DSCAML1: variants seen among roughly 807,000 people sequenced by gnomAD.
The protein encoded by DSCAML1 is DS cell adhesion molecule like 1.
Under a neutral mutation model 200.5 loss-of-function variants are expected in DSCAML1, and 38 were observed. The ratio of observed to expected loss-of-function variants is 0.19; its 90% CI spans 0.15 to 0.25. The LOEUF (loss-of-function observed/expected upper bound fraction) is 0.25, where lower values mean the gene tolerates loss of function less well. DSCAML1 is among the 10% of genes least tolerant of loss of function. The probability of loss-of-function intolerance (pLI) is 1.00; values close to 1 mark genes in which losing one functional copy is unlikely to be tolerated. For synonymous variants in DSCAML1, 1,215 were observed against 1,165.0 expected, an observed-to-expected ratio of 1.04 and a Z score of -0.87; for missense variants, 2,223 against 2,858.8, an observed-to-expected ratio of 0.78 and a Z score of 5.07.
Position 117,490,518 on chromosome 11 carries a change from C to T in DSCAML1, c.2360-8356G>A, listed in dbSNP as rs552156727. On this transcript the variant is annotated intron_variant, in intron 11 of 32. Coordinates refer to ENST00000651296, the MANE Select transcript of DSCAML1 (RefSeq NM_020693.4). ...CCCCTACTTAGCACCCCCAGATCCC[C>T]GCTTCCACTGGGGTCCAACTTAATA... is the stretch of plus-strand genomic sequence containing the variant. Among the ~76,000 whole-genome samples the T allele has an allele frequency of 8.1e-4, 123 of 152,306 alleles. 1 individual carries two copies. The highest frequency in any genetic ancestry group is 2.8e-3 in the African/African-American group (118 of 41,560).
At chr11:117,509,514 G>A (rs2049576267) in intron 8 of DSCAML1, among the ~76,000 whole-genome samples, 1 of 152,188 alleles carries the variant, frequency 6.6e-6, no homozygotes. Flanking sequence ...TGGGGGATGG[G>A]CAGGTGCGAT....
At chr11:117,587,503 T>C (rs1241946881) in intron 3 of DSCAML1, among the ~76,000 whole-genome samples, 2 of 152,184 alleles carry the variant, frequency 1.3e-5, no homozygotes, top group African/African-American at 4.8e-5. Context: ...CAGGTGACAT[T>C]TCCCTCTCCC....
intron 3 of DSCAML1, among the ~76,000 whole-genome samples, chr11:117,589,030 G>A (rs77974426): frequency 0.015 from 2,243 of 152,300 alleles, 52 homozygotes; most frequent in African/African-American, 0.05. Flanking sequence ...AAAACAAGGC[G>A]TGGGTTTCGG....
At chr11:117,794,722 C>T (rs902750982) in intron 1 of DSCAML1, among the ~76,000 whole-genome samples, 1 of 151,888 alleles carries the variant, frequency 6.6e-6, no homozygotes, top group Non-Finnish European at 1.5e-5. Flanking sequence ...TTGCTGTCTC[C>T]GCATCACATC....
intron 3 of DSCAML1, among the ~76,000 whole-genome samples, chr11:117,571,084 C>T (rs2050841017): frequency 6.6e-6 from 1 of 152,250 alleles, no homozygotes. Flanking sequence ...GAAACTCAAA[C>T]CTCATTATGG....
intron 3 of DSCAML1, among the ~76,000 whole-genome samples, chr11:117,756,305 G>T (rs2054692406): frequency 6.6e-6 from 1 of 152,192 alleles, no homozygotes. Flanking sequence ...CTTCAGGAAG[G>T]TCTGCACGAT....
intron 3 of DSCAML1, among the ~76,000 whole-genome samples, chr11:117,701,122 C>T (rs573707187): frequency 3.8e-4 from 58 of 152,136 alleles, no homozygotes; most frequent in South Asian, 1.0e-3. Context: ...AAAAATTAGC[C>T]GGGCATGGTG....
intron 3 of DSCAML1, chr11:117,709,637 G>A (rs570731853): frequency 2.2e-6 from 1 of 454,622 alleles, no homozygotes; most frequent in Non-Finnish European, 4.4e-6. Flanking sequence ...GCAGGAGAGG[G>A]TTACAGAACC....
rs376947402 is a variant in DSCAML1 at position 117,730,316 on chromosome 11, G to A, written c.511+46475C>T. The stretch of plus-strand genomic sequence containing the variant: ...AAAGCTGGAGGGGGCCAGGAGTCAA[G>A]GACAGTGGGTAGCTTCTCCAAGTTG... On this transcript the variant is annotated intron_variant, in intron 3 of 32. Transcript: ENST00000651296. Among the ~76,000 whole-genome samples, 10 of 152,268 alleles carry A rather than the reference G, an allele frequency of 6.6e-5. No individual in the cohort carries two copies. In the East Asian group the frequency reaches 1.7e-3, roughly 26 times the overall value.
rs2048640863 is a variant in DSCAML1, at chr11:117,469,301, TTGG to T, written c.3024+606_3024+608del. ...AGCCCTTCTATGCCCATGGAGGGGT[TTGG>T]TGGTAGGGCCAGAAGATGCCCATTT... On this transcript the variant is annotated intron_variant, in intron 16 of 32. Coordinates refer to ENST00000651296, the MANE Select transcript of DSCAML1 (RefSeq NM_020693.4). This position sits in a 1 kb window ranked among gnomAD's most constrained non-coding sequence, Gnocchi z 4.1. Among the ~76,000 whole-genome samples the T allele has an allele frequency of 6.6e-6, 1 of 152,146 alleles. No individual in the cohort carries two copies. Among genetic ancestry groups the T allele is most frequent in the Non-Finnish European group, 1.5e-5 (1 of 68,028 alleles).
intron 3 of DSCAML1, among the ~76,000 whole-genome samples, chr11:117,637,694 T>C (rs2052321168): frequency 6.6e-6 from 1 of 152,044 alleles, no homozygotes; most frequent in Non-Finnish European, 1.5e-5. Context: ...GAAAATGAAA[T>C]AGAATCAGAT....
chr11:117,816,271 A>G (rs1449071883), intron 1 of DSCAML1, among the ~76,000 whole-genome samples: 2 of 152,104 alleles, frequency 1.3e-5, no homozygotes, highest in Non-Finnish European at 2.9e-5. Flanking sequence ...CCCTGGGCTC[A>G]GCACTGCCCT....
At chr11:117,808,198 T>C (rs953006699) in intron 1 of DSCAML1, among the ~76,000 whole-genome samples, 30 of 152,180 alleles carry the variant, frequency 2.0e-4, no homozygotes, top group African/African-American at 6.0e-4. Context: ...GATGAGGAAA[T>C]TGAGGCTTCA....
chr11:117,518,813 G>A lies in DSCAML1; in HGVS notation c.1214-51C>T, dbSNP rs948190157. On this transcript the variant is annotated intron_variant, in intron 6 of 32. Transcript: ENST00000651296. The surrounding 1 kb of genome is among the most constrained non-coding windows in gnomAD (Gnocchi z 6.3). ...AGGGTCACCAAGCCATGGAGAGACG[G>A]TCCCCCCAGCCACCCCACCTCAGCA... 7 of 1,551,528 alleles carry A rather than the reference G, an allele frequency of 4.5e-6. No individual in the cohort carries two copies. The African/African-American group carries it at 9.5e-5, about 21-fold the overall frequency.
chr11:117,771,111 C>T (rs1367769323), intron 3 of DSCAML1, among the ~76,000 whole-genome samples: 2 of 152,206 alleles, frequency 1.3e-5, no homozygotes, highest in African/African-American at 4.8e-5. Flanking sequence ...GTGGCCCAAA[C>T]TGGTTTCCAG....
Position 117,810,045 on chromosome 11 carries a change from ACACT to A in DSCAML1, c.-250+7341_-250+7344del, listed in dbSNP as rs1445979610. On this transcript the variant is annotated intron_variant, in intron 1 of 2. Transcript: ENST00000525836. ...TATTCAAATATTTTCACACACATTCACACTCACACACATTCACACACTCACTTAC... is the reference window on the plus strand; with the variant it reads ...TATTCAAATATTTTCACACACATTCACACACACATTCACACACTCACTTAC... Among the ~76,000 whole-genome samples, 17 of 151,866 alleles carry A rather than the reference ACACT, an allele frequency of 1.1e-4. 1 individual carries two copies. Among genetic ancestry groups the A allele is most frequent in the East Asian group, 5.8e-4 (3 of 5,198 alleles).
intron 3 of DSCAML1, among the ~76,000 whole-genome samples, chr11:117,549,445 G>A (rs150607967): frequency 3.9e-5 from 6 of 152,348 alleles, no homozygotes; most frequent in African/African-American, 7.2e-5. Context: ...TGGCAAGTAC[G>A]TGGCTCTGAA....
rs563451996 is a variant in DSCAML1 at position 117,745,941 on chromosome 11, G to A, written c.511+30850C>T. On this transcript the variant is annotated intron_variant, in intron 3 of 32. Coordinates refer to ENST00000651296, the MANE Select transcript of DSCAML1 (RefSeq NM_020693.4). ...AGAACAGTTCCTGCACAGGCCAGGCGCGGTGGCTCACGCCTGTAATCCCAG... is the reference window on the plus strand; with the variant it reads ...AGAACAGTTCCTGCACAGGCCAGGCACGGTGGCTCACGCCTGTAATCCCAG... 9.9e-5 allele frequency among the ~76,000 whole-genome samples: 15 copies of A among 152,164 alleles called. No individual in the cohort carries two copies. In the East Asian group the frequency reaches 1.5e-3, roughly 16 times the overall value.
intron 3 of DSCAML1, among the ~76,000 whole-genome samples, chr11:117,757,600 ACACACACAC>A: frequency 7.0e-6 from 1 of 143,568 alleles, no homozygotes; most frequent in African/African-American, 3.0e-5. Flanking sequence ...ACACACACAC[ACACACACAC>A]ACACACACAC....
Sources: gnomAD v4.1 joint callset for allele counts (sites outside exome capture counted in the v4.1 genomes callset) on GRCh38, gnomAD v4.1.1 for gene constraint, Gnocchi (gnomAD v3.1) non-coding constraint, MANE v1.5 for transcripts, NCBI Gene and HGNC (gene_info 2026-07-23, HGNC 2026-07-21) for gene names.